The following SEMA6A variants were observed in gnomAD, a reference collection of about 807,000 sequenced individuals.
SEMA6A encodes semaphorin-6A.
A neutral mutation model predicts 96.8 loss-of-function variants in SEMA6A; 25 were observed. The observed-to-expected ratio is 0.26, with a 90% confidence interval of 0.19 to 0.36. SEMA6A has a LOEUF of 0.36. SEMA6A is among the 10% of genes least tolerant of loss of function. The pLI is 1.00. For synonymous variants in SEMA6A, 612 were observed against 518.0 expected (o/e 1.18, Z -2.46); for missense variants, 1,363 against 1,323.1 (o/e 1.03, Z -0.47).
chr5:116,532,407 G>A (rs1026367662), intron 1 of SEMA6A, among the ~76,000 whole-genome samples: 1 of 152,192 alleles, frequency 6.6e-6, no homozygotes, highest in South Asian at 2.1e-4. Flanking sequence ...TGTCAAAGTG[G>A]CCACAAGACT....
Position 116,477,852 on chromosome 5 carries a change from T to C in SEMA6A, c.1643A>G (p.Asn548Ser). The C allele has an allele frequency of 1.2e-6, 2 of 1,613,786 alleles. No homozygotes were observed. The highest frequency in any genetic ancestry group is 1.1e-5 in the South Asian group (1 of 91,078). ...EGGACSHLSP[N>S]SRLTFEQDIE... ...CACACCTCAGGCTGCCTACCTGCTGTTGGGTGATAAATGGCTGCAGGCACC... is the reference window on the plus strand; with the variant it reads ...CACACCTCAGGCTGCCTACCTGCTGCTGGGTGATAAATGGCTGCAGGCACC... Residue 548 changes from asparagine (N) to serine (S), a missense_variant, in exon 15 of 19, where the codon AAC (asparagine) becomes AGC (serine). Around this residue, in one of 2 missense-constraint regions of SEMA6A, gnomAD observed 883 missense variants for 763.6 expected, o/e 1.16. Coordinates refer to ENST00000343348, the MANE Select transcript of SEMA6A (RefSeq NM_020796.5).
At chr5:116,477,353 T>A (rs1756506863) in intron 15 of SEMA6A, among the ~76,000 whole-genome samples, 1 of 152,216 alleles carries the variant, frequency 6.6e-6, no homozygotes, top group South Asian at 2.1e-4. Context: ...GGGTCAACTG[T>A]TCTTCAGCGC....
chr5:116,527,342 G>A (rs931986848), intron 1 of SEMA6A, among the ~76,000 whole-genome samples: 2 of 152,124 alleles, frequency 1.3e-5, no homozygotes, highest in Non-Finnish European at 2.9e-5. Flanking sequence ...ATTAAACATG[G>A]CCAAAAGACG....
At chr5:116,458,471 G>A (rs947825465) in intron 18 of SEMA6A, among the ~76,000 whole-genome samples, 2 of 152,134 alleles carry the variant, frequency 1.3e-5, no homozygotes, top group Non-Finnish European at 2.9e-5. Context: ...GCTTGAAAAA[G>A]TGGCTAGAGA....
At chr5:116,454,809 T>C (rs1022516743) in intron 18 of SEMA6A, among the ~76,000 whole-genome samples, 11 of 150,322 alleles carry the variant, frequency 7.3e-5, no homozygotes, top group African/African-American at 2.2e-4. Flanking sequence ...TGTGTGTGTG[T>C]GCATGTGTGT....
intron 17 of SEMA6A, chr5:116,472,166 AT>A (rs1756183731): frequency 6.6e-6 from 1 of 152,232 alleles, no homozygotes; most frequent in Admixed American, 6.5e-5. Context: ...ACCTTGAGAA[AT>A]GTAAATGGAA....
At chr5:116,571,430 C>T (rs1580530915) in intron 1 of SEMA6A, among the ~76,000 whole-genome samples, 1 of 152,258 alleles carries the variant, frequency 6.6e-6, no homozygotes, top group African/African-American at 2.4e-5. Flanking sequence ...AAACACTGTA[C>T]ATCAGAAACA....
intron 1 of SEMA6A, among the ~76,000 whole-genome samples, chr5:116,567,591 T>C (rs1034091761): frequency 1.6e-4 from 25 of 152,332 alleles, no homozygotes; most frequent in African/African-American, 5.3e-4. Flanking sequence ...ACTAGCACTT[T>C]GCAAATGAAA....
At chr5:116,482,612 C>T (rs1252110680) in intron 10 of SEMA6A, 37 bp from the exon 11 acceptor site, 1 of 1,610,274 alleles carries the variant, frequency 6.2e-7, no homozygotes, top group Non-Finnish European at 8.5e-7. Context: ...GTTACTCATG[C>T]AATGGTTATG....
chr5:116,571,131 G>T (rs887630132), intron 1 of SEMA6A, among the ~76,000 whole-genome samples: 4 of 152,082 alleles, frequency 2.6e-5, no homozygotes, highest in African/African-American at 9.7e-5. Flanking sequence ...TCACTGTAGG[G>T]AAAATAAAGA....
chr5:116,478,098 G>A lies in SEMA6A; in HGVS notation c.1484C>T (p.Ala495Val), dbSNP rs1756555551. ...GAACGCAACATACAGAGAGCTGCTT[G>A]CTCTGTCCAGCTGCATGCCCATGAT... ...KRIMGMQLDR[A>V]SSSLYVAFST... Residue 495 changes from alanine to valine, a missense_variant, in exon 14 of 19, where the codon GCA (alanine) becomes GTA (valine). By Grantham distance (64) the Ala-to-Val change is moderately conservative. Coordinates refer to ENST00000343348, the MANE Select transcript of SEMA6A (RefSeq NM_020796.5). The A allele has an allele frequency of 1.9e-6, 3 of 1,613,926 alleles. No homozygotes were observed. The East Asian group carries it at 6.7e-5, about 36-fold the overall frequency.
intron 1 of SEMA6A, among the ~76,000 whole-genome samples, chr5:116,543,746 G>GA (rs1463245065): frequency 1.3e-5 from 2 of 152,144 alleles, no homozygotes. Flanking sequence ...AGAAGAAAAA[G>GA]AAAAGTAAAT....
chr5:116,559,745 A>C (rs1288418126), intron 1 of SEMA6A, among the ~76,000 whole-genome samples: 2 of 152,306 alleles, frequency 1.3e-5, no homozygotes, highest in Admixed American at 1.3e-4. Flanking sequence ...TCAGCTCCCC[A>C]GAGGTGATAC....
At chr5:116,455,035 C>G (rs79655185) in intron 18 of SEMA6A, among the ~76,000 whole-genome samples, 1 of 152,322 alleles carries the variant, frequency 6.6e-6, no homozygotes, top group East Asian at 1.9e-4. Context: ...GATGAACCCA[C>G]TTCCACTTCG....
intron 1 of SEMA6A, among the ~76,000 whole-genome samples, chr5:116,556,826 A>G (rs1414712810): frequency 1.3e-5 from 2 of 152,228 alleles, no homozygotes; most frequent in African/African-American, 2.4e-5. Flanking sequence ...AAAACATGTC[A>G]GTCACTCTGC....
At chr5:116,570,375 C>A (rs776088039) in intron 1 of SEMA6A, among the ~76,000 whole-genome samples, 2 of 152,140 alleles carry the variant, frequency 1.3e-5, no homozygotes, top group Non-Finnish European at 2.9e-5. Flanking sequence ...GAGGGCCCAG[C>A]AGAACGCCTC....
At chr5:116,501,888 T>TCAAA (rs751240340) in intron 3 of SEMA6A, among the ~76,000 whole-genome samples, 16 of 152,128 alleles carry the variant, frequency 1.1e-4, no homozygotes, top group Non-Finnish European at 1.9e-4. Flanking sequence ...AAACTCCATC[T>TCAAA]CAAACAAACA....
At chr5:116,494,509 A>G (rs1307033686) in intron 6 of SEMA6A, among the ~76,000 whole-genome samples, 1 of 152,194 alleles carries the variant, frequency 6.6e-6, no homozygotes, top group African/African-American at 2.4e-5. Context: ...GAAAGTTTGA[A>G]GACACGGGGT....
Position 116,574,786 on chromosome 5 carries a change from TG to T in SEMA6A, c.-641del, listed in dbSNP as rs1431422607. 6.6e-6 allele frequency: 1 copy of T among 152,384 alleles called. No homozygotes were observed. Among genetic ancestry groups the T allele is most frequent in the African/African-American group, 2.4e-5 (1 of 41,460 alleles). 9.4% of individuals were successfully genotyped at this position (152,384 alleles called of 1,614,324 possible). A position where few individuals can be genotyped will look rare whatever the true frequency, so the allele number is the denominator to read the frequency against. ...CAGCCGAGTGCGCGGGGAGCGGAGTTGGCTGCAGCCTCACCCCGTGCCGCTC... is the reference window on the plus strand; with the variant it reads ...CAGCCGAGTGCGCGGGGAGCGGAGTTGCTGCAGCCTCACCCCGTGCCGCTC... On this transcript the variant is annotated 5_prime_UTR_variant, in exon 1 of 19. Transcript: ENST00000343348.
Sources: allele counts gnomAD v4.1 joint callset (sites outside exome capture counted in the v4.1 genomes callset), GRCh38; gene constraint gnomAD v4.1.1; regional missense constraint gnomAD v4.1.1; transcripts MANE v1.5; gene names NCBI Gene and HGNC (gene_info 2026-07-23, HGNC 2026-07-21).